Variants in GNB1 observed in about 807,000 individuals in gnomAD.
The protein encoded by GNB1 is G protein subunit beta 1.
GNB1 carries 2 observed loss-of-function variants against 42.9 expected under a neutral mutation model. That is an observed-to-expected ratio of 0.05 (90% CI 0.02 to 0.15). The LOEUF (loss-of-function observed/expected upper bound fraction) is 0.15. Ranked by LOEUF, GNB1 falls within the 10% of genes least tolerant of loss-of-function variation. The pLI, the probability that GNB1 is intolerant of heterozygous loss-of-function variation, is 1.00. For missense variants in GNB1, 193 were observed against 462.2 expected (o/e 0.42, Z 5.34); for synonymous variants, 183 against 174.7 (o/e 1.05, Z -0.38).
At chr1:1,804,708 T>C (rs766544506) in intron 6 of GNB1, 127 bp from the exon 7 acceptor site, 356 of 673,146 alleles carry the variant, frequency 5.3e-4, no homozygotes, top group Non-Finnish European at 8.2e-4. Flanking sequence ...CAAAATTATC[T>C]AGAGAGCGAT....
chr1:1,838,451 T>TC (rs1647180624), intron 2 of GNB1, among the ~76,000 whole-genome samples: 1 of 148,948 alleles, frequency 6.7e-6, no homozygotes, highest in Non-Finnish European at 1.5e-5. Context: ...TTTCTTTTCT[T>TC]TTTTTTTTTT....
At chr1:1,803,337 C>T (rs892727393) in intron 7 of GNB1, among the ~76,000 whole-genome samples, 2 of 152,212 alleles carry the variant, frequency 1.3e-5, no homozygotes, top group East Asian at 3.8e-4. Flanking sequence ...CTCGCTTTCG[C>T]CCAGCCTGGA....
intron 10 of GNB1, chr1:1,788,849 G>A: frequency 1.8e-6 from 1 of 551,950 alleles, no homozygotes; most frequent in African/African-American, 1.9e-5. Context: ...CCCGACGCAT[G>A]TGGGAAGATC....
intron 7 of GNB1, chr1:1,793,721 C>A: frequency 6.3e-6 from 1 of 158,618 alleles, no homozygotes; most frequent in Non-Finnish European, 1.4e-5. Flanking sequence ...CTCCTACAGC[C>A]CACGCTCAGC....
At chr1:1,849,599 G>A (rs1262246195) in intron 1 of GNB1, among the ~76,000 whole-genome samples, 2 of 151,964 alleles carry the variant, frequency 1.3e-5, no homozygotes, top group Non-Finnish European at 2.9e-5. Flanking sequence ...ATGAAGTCTC[G>A]CTATGTTGCC....
At chr1:1,793,415 G>A in intron 7 of GNB1, 104 bp from the exon 8 acceptor site, 1 of 711,750 alleles carries the variant, frequency 1.4e-6, no homozygotes, top group South Asian at 1.6e-5. Flanking sequence ...TACGTCTAAG[G>A]TAAGACCAGC....
chr1:1,862,670 G>C (rs1275328397), intron 1 of GNB1, among the ~76,000 whole-genome samples: 1 of 151,834 alleles, frequency 6.6e-6, no homozygotes, highest in Admixed American at 6.6e-5. Flanking sequence ...ATGTTGCCTA[G>C]GCTGGTCTCC....
chr1:1,835,311 G>C (rs1004720322), intron 2 of GNB1, among the ~76,000 whole-genome samples: 4 of 152,142 alleles, frequency 2.6e-5, no homozygotes, highest in Non-Finnish European at 4.4e-5. Flanking sequence ...CTCACCAGGT[G>C]GCCTCCAGTA....
chr1:1,809,377 T>C (rs892636099), intron 5 of GNB1, among the ~76,000 whole-genome samples: 3 of 152,074 alleles, frequency 2.0e-5, no homozygotes, highest in African/African-American at 2.4e-5. Flanking sequence ...GGTTTTGCCA[T>C]GCTGGTCTCG....
chr1:1,831,767 A>T lies in GNB1; in HGVS notation c.-46-6268T>A, dbSNP rs140528769. Among the ~76,000 whole-genome samples the T allele has an allele frequency of 3.4e-4, 51 of 151,108 alleles. No homozygotes were observed. In the East Asian group the frequency reaches 9.7e-3, roughly 29 times the overall value. ...TAGTAATTGTAGCTGCTTTATTATA[A>T]TTAAAATAGGTCTGGGCGCGGTGGC... On this transcript the variant is annotated intron_variant, in intron 2 of 11. Coordinates refer to ENST00000378609, the MANE Select transcript of GNB1 (RefSeq NM_002074.5).
At chr1:1,808,645 T>A (rs932116858) in intron 5 of GNB1, among the ~76,000 whole-genome samples, 3 of 84,964 alleles carry the variant, frequency 3.5e-5, no homozygotes, top group Non-Finnish European at 8.1e-5. Flanking sequence ...TGTTTGTTTT[T>A]GTTTGTTTGT....
chr1:1,843,925 G>A (rs761913275), intron 1 of GNB1, among the ~76,000 whole-genome samples: 12 of 152,108 alleles, frequency 7.9e-5, no homozygotes, highest in Non-Finnish European at 1.2e-4. Flanking sequence ...GCCGGGTGCG[G>A]TGGCTCATTC....
At chr1:1,840,432 G>A (rs184513695) in intron 1 of GNB1, among the ~76,000 whole-genome samples, 1 of 152,300 alleles carries the variant, frequency 6.6e-6, no homozygotes, top group East Asian at 1.9e-4. Flanking sequence ...GGAAGCTGAG[G>A]CAGGAGAATT....
intron 1 of GNB1, among the ~76,000 whole-genome samples, chr1:1,841,188 C>A (rs1647231862): frequency 1.3e-5 from 2 of 151,736 alleles, no homozygotes; most frequent in Middle Eastern, 6.9e-3. Context: ...CTGCACATGG[C>A]CACATTTATT....
chr1:1,818,236 C>CA (rs532798618), intron 3 of GNB1: 29 of 154,270 alleles, frequency 1.9e-4, no homozygotes, highest in South Asian at 9.8e-4. Context: ...CAGGCTGGCA[C>CA]ACACGACTTG....
At chr1:1,799,880 T>C (rs183420964) in intron 7 of GNB1, among the ~76,000 whole-genome samples, 1 of 152,168 alleles carries the variant, frequency 6.6e-6, no homozygotes, top group African/African-American at 2.4e-5. Context: ...GGATAACAAC[T>C]ACAAAGAAGA....
chr1:1,831,355 A>G (rs1236967522), intron 2 of GNB1, among the ~76,000 whole-genome samples: 2 of 152,168 alleles, frequency 1.3e-5, no homozygotes, highest in Non-Finnish European at 2.9e-5. Flanking sequence ...TACTGGAATA[A>G]CTGTAACATA....
chr1:1,875,785 A>C (rs890432243), intron 1 of GNB1, among the ~76,000 whole-genome samples: 1 of 152,204 alleles, frequency 6.6e-6, no homozygotes, highest in Non-Finnish European at 1.5e-5. Context: ...GAGAGCTAGA[A>C]ACACAAGGGG....
intron 10 of GNB1, chr1:1,788,518 A>C (rs1233769090): frequency 6.4e-6 from 1 of 155,142 alleles, no homozygotes; most frequent in Non-Finnish European, 1.4e-5. Context: ...CGGAAGCAGG[A>C]AGCCCCGGTA....
Sources: allele counts gnomAD v4.1 joint callset (sites outside exome capture counted in the v4.1 genomes callset), GRCh38; gene constraint gnomAD v4.1.1; transcripts MANE v1.5; gene names NCBI Gene and HGNC (gene_info 2026-07-23, HGNC 2026-07-21).